Variants in RAB7A observed in about 807,000 individuals in gnomAD.
RAB7A encodes the protein RAB7A, member RAS oncogene family, also known as ras-related protein Rab-7a.
In RAB7A, 2 loss-of-function variants were observed where a neutral mutation model predicts 24.5. The ratio of observed to expected loss-of-function variants is 0.08; its 90% CI spans 0.03 to 0.26. The LOEUF is 0.26. RAB7A is among the 10% of genes least tolerant of loss of function. The pLI is 1.00. For missense variants in RAB7A, 118 were observed against 255.7 expected (o/e 0.46, Z 3.67); for synonymous variants, 100 against 95.9 (o/e 1.04, Z -0.25).
chr3:128,766,558 G>A (rs559821093), intron 1 of RAB7A, among the ~76,000 whole-genome samples: 3 of 152,270 alleles, frequency 2.0e-5, no homozygotes, highest in South Asian at 4.1e-4. Context: ...AGAGAAAACA[G>A]CTCCTGAACC....
intron 1 of RAB7A, among the ~76,000 whole-genome samples, chr3:128,745,953 G>A (rs1037442449): frequency 5.3e-5 from 8 of 152,194 alleles, no homozygotes; most frequent in African/African-American, 1.9e-4. Flanking sequence ...GCGCCCCCTG[G>A]CACCTATTTA....
At chr3:128,803,731 A>G (rs887162073) in intron 3 of RAB7A, among the ~76,000 whole-genome samples, 1 of 152,254 alleles carries the variant, frequency 6.6e-6, no homozygotes, top group Non-Finnish European at 1.5e-5. Flanking sequence ...GAATGAAAAA[A>G]GACAAGTTGC....
At chr3:128,750,147 A>G (rs552136310) in intron 1 of RAB7A, among the ~76,000 whole-genome samples, 35 of 152,370 alleles carry the variant, frequency 2.3e-4, no homozygotes, top group African/African-American at 8.2e-4. Context: ...GAACTAGAGC[A>G]AAGGTGGCTC....
intron 1 of RAB7A, among the ~76,000 whole-genome samples, chr3:128,764,257 C>G (rs991450494): frequency 6.6e-6 from 1 of 152,064 alleles, no homozygotes; most frequent in African/African-American, 2.4e-5. Flanking sequence ...TACCACATTT[C>G]TGTCCTGTAA....
intron 1 of RAB7A, chr3:128,764,936 C>G (rs567947117): frequency 1.3e-6 from 2 of 1,594,600 alleles, no homozygotes; most frequent in African/African-American, 2.7e-5. Context: ...GCGTAGAGCT[C>G]CAGGTTGATC....
intron 1 of RAB7A, among the ~76,000 whole-genome samples, chr3:128,765,428 C>T (rs1001198927): frequency 2.0e-5 from 3 of 152,168 alleles, no homozygotes; most frequent in South Asian, 4.1e-4. Context: ...CAATTAAACA[C>T]CTCCTAAAAT....
intron 3 of RAB7A, among the ~76,000 whole-genome samples, chr3:128,802,653 G>T (rs1236667978): frequency 1.3e-5 from 2 of 151,632 alleles, no homozygotes; most frequent in Admixed American, 6.6e-5. Context: ...GACTACAGGT[G>T]TGTGCCACCA....
intron 1 of RAB7A, among the ~76,000 whole-genome samples, chr3:128,775,073 C>T (rs1933056084): frequency 6.6e-6 from 1 of 152,238 alleles, no homozygotes; most frequent in African/African-American, 2.4e-5. Flanking sequence ...TGAGCCACTG[C>T]GCCCGGCCGA....
At chr3:128,788,318 G>A (rs749559068) in intron 1 of RAB7A, among the ~76,000 whole-genome samples, 1 of 152,150 alleles carries the variant, frequency 6.6e-6, no homozygotes, top group Non-Finnish European at 1.5e-5. Flanking sequence ...ATTGTATGCC[G>A]AGGTTGCTAA....
At chr3:128,775,706 A>G (rs1208733689) in intron 1 of RAB7A, among the ~76,000 whole-genome samples, 1 of 152,230 alleles carries the variant, frequency 6.6e-6, no homozygotes, top group Non-Finnish European at 1.5e-5. Flanking sequence ...TGAGGAATAT[A>G]AATCTAGCCC....
chr3:128,767,356 G>A (rs1235526378), intron 1 of RAB7A, among the ~76,000 whole-genome samples: 1 of 152,228 alleles, frequency 6.6e-6, no homozygotes, highest in Non-Finnish European at 1.5e-5. Flanking sequence ...CCTCGGAAGG[G>A]ATATGGAGCC....
chr3:128,782,462 T>A (rs1933242591), intron 1 of RAB7A, among the ~76,000 whole-genome samples: 2 of 152,080 alleles, frequency 1.3e-5, no homozygotes, highest in Non-Finnish European at 2.9e-5. Flanking sequence ...CCTTTGATGG[T>A]GCCACATAAG....
chr3:128,767,362 G>T (rs1485806554), intron 1 of RAB7A, among the ~76,000 whole-genome samples: 1 of 152,238 alleles, frequency 6.6e-6, no homozygotes, highest in Non-Finnish European at 1.5e-5. Context: ...AAGGGATATG[G>T]AGCCAAGCTC....
intron 1 of RAB7A, among the ~76,000 whole-genome samples, chr3:128,756,935 G>A (rs762526503): frequency 5.3e-5 from 8 of 150,778 alleles, no homozygotes; most frequent in Non-Finnish European, 1.2e-4. Context: ...ACTCCACCTC[G>A]TGGGTTCAAG....
At chr3:128,803,352 C>T (rs981244462) in intron 3 of RAB7A, among the ~76,000 whole-genome samples, 3 of 152,064 alleles carry the variant, frequency 2.0e-5, no homozygotes, top group Non-Finnish European at 4.4e-5. Flanking sequence ...GAACAAACCA[C>T]ACAAGCAGGT....
chr3:128,773,736 A>G (rs1039270943), intron 1 of RAB7A, among the ~76,000 whole-genome samples: 1 of 152,256 alleles, frequency 6.6e-6, no homozygotes, highest in Non-Finnish European at 1.5e-5. Context: ...TTCTGTACTA[A>G]GAAAAATTCT....
chr3:128,726,807 G>A (rs1453922050), intron 1 of RAB7A, among the ~76,000 whole-genome samples: 1 of 152,198 alleles, frequency 6.6e-6, no homozygotes, highest in Non-Finnish European at 1.5e-5. Context: ...GTTCCCATCC[G>A]GTTCTTCAGT....
chr3:128,735,119 A>G (rs2070478791), intron 1 of RAB7A, among the ~76,000 whole-genome samples: 2 of 152,188 alleles, frequency 1.3e-5, no homozygotes, highest in African/African-American at 4.8e-5. Flanking sequence ...GCCCCTGTGG[A>G]GAATTATTCA....
At chr3:128,800,754 C>T (rs540954809) in intron 3 of RAB7A, among the ~76,000 whole-genome samples, 24 of 152,088 alleles carry the variant, frequency 1.6e-4, no homozygotes, top group Non-Finnish European at 3.4e-4. Context: ...CTGAAATAAC[C>T]CTCCTGAATG....
Sources: allele counts gnomAD v4.1 joint callset (sites outside exome capture counted in the v4.1 genomes callset), GRCh38; gene constraint gnomAD v4.1.1; transcripts MANE v1.5; gene names NCBI Gene and HGNC (gene_info 2026-07-23, HGNC 2026-07-21).